The following KCNH7 variants were observed in gnomAD, a reference collection of about 807,000 sequenced individuals.
The protein encoded by KCNH7 is voltage-gated inwardly rectifying potassium channel KCNH7.
In KCNH7, 49 loss-of-function variants were observed where a neutral mutation model predicts 120.8. The observed-to-expected ratio is 0.41, with a 90% confidence interval of 0.32 to 0.51. KCNH7 has a LOEUF of 0.51. Ranked by LOEUF, KCNH7 falls within the 20% of genes least tolerant of loss-of-function variation. The probability of loss-of-function intolerance (pLI) is 0.38; values close to 1 mark genes in which losing one functional copy is unlikely to be tolerated. For synonymous variants in KCNH7, 547 were observed against 516.1 expected, an observed-to-expected ratio of 1.06 and a Z score of -0.81; for missense variants, 1,097 against 1,446.6, an observed-to-expected ratio of 0.76 and a Z score of 3.92.
At position 162,518,132 on chromosome 2, in the gene KCNH7, C is replaced by T; in HGVS notation, c.490G>A (p.Gly164Ser). Residue 164 changes from glycine to serine, a missense_variant, in exon 4 of 16, where the codon GGT becomes AGT. Physicochemically the swap from Gly to Ser is moderately conservative, Grantham distance 56. This residue lies in a region of KCNH7 where 362 missense variants were observed against 372.2 expected (regional missense o/e 0.97). Transcript: ENST00000332142. The stretch of plus-strand genomic sequence containing the variant: ...TTTCTGTAAGTGAGAACTCTCAGAC[C>T]AGGGAATTTGAACCCAAAAAATTTC... Reference protein sequence around the residue: ...NRKFFGFKFPGLRVLTYRKQS... With the variant: ...NRKFFGFKFPSLRVLTYRKQS... The T allele has an allele frequency of 1.2e-6, 2 of 1,609,794 alleles. No individual in the cohort carries two copies. Among genetic ancestry groups the T allele is most frequent in the Non-Finnish European group, 1.7e-6 (2 of 1,177,358 alleles).
intron 5 of KCNH7, among the ~76,000 whole-genome samples, chr2:162,510,618 A>C (rs746688810): frequency 2.6e-5 from 4 of 151,730 alleles, no homozygotes; most frequent in Admixed American, 6.6e-5. Context: ...AAATAATTAG[A>C]ATTAAATTCA....
At chr2:162,541,832 T>TGCAGA (rs1294240341) in intron 2 of KCNH7, among the ~76,000 whole-genome samples, 2 of 152,108 alleles carry the variant, frequency 1.3e-5, no homozygotes, top group African/African-American at 2.4e-5. Flanking sequence ...TCTGCACATG[T>TGCAGA]ACCCCTGAAC....
chr2:162,800,697 T>G (rs539065173), intron 2 of KCNH7, among the ~76,000 whole-genome samples: 1 of 152,062 alleles, frequency 6.6e-6, no homozygotes, highest in Non-Finnish European at 1.5e-5. Context: ...AAATAAAAAC[T>G]TGTATGGCTT....
intron 2 of KCNH7, among the ~76,000 whole-genome samples, chr2:162,827,818 C>T (rs1445625146): frequency 1.3e-5 from 2 of 152,100 alleles, no homozygotes; most frequent in Non-Finnish European, 2.9e-5. Flanking sequence ...CTCAATTTAA[C>T]TTATCTGTAA....
At chr2:162,406,469 C>A (rs1191893203) in intron 9 of KCNH7, among the ~76,000 whole-genome samples, 1 of 151,848 alleles carries the variant, frequency 6.6e-6, no homozygotes, top group East Asian at 1.9e-4. Flanking sequence ...CTAAATAGCA[C>A]ATTAATCATA....
rs926869574 is a variant in KCNH7, at chr2:162,498,074, C to T, written c.1128+6369G>A. ...TTAGTAAAGCTACAGGAAAATTATA[C>T]TTGTGGACTAGTAGTAAATTTTTTC... On this transcript the variant is annotated intron_variant, in intron 6 of 15. Transcript: ENST00000332142. 1.9e-3 allele frequency among the ~76,000 whole-genome samples: 289 copies of T among 152,142 alleles called. 3 individuals carry two copies. The highest frequency in any genetic ancestry group is 1.8e-4 in the Non-Finnish European group (12 of 67,982).
At chr2:162,627,691 G>T (rs1206490782) in intron 2 of KCNH7, among the ~76,000 whole-genome samples, 1 of 152,162 alleles carries the variant, frequency 6.6e-6, no homozygotes, top group Non-Finnish European at 1.5e-5. Flanking sequence ...TGGCTCAGTG[G>T]TTGGCTTGGA....
At chr2:162,820,290 T>C (rs1685073040) in intron 2 of KCNH7, among the ~76,000 whole-genome samples, 1 of 148,288 alleles carries the variant, frequency 6.7e-6, no homozygotes, top group Non-Finnish European at 1.5e-5. Flanking sequence ...TTAGCCAGGA[T>C]GGTCTCCATC....
intron 6 of KCNH7, among the ~76,000 whole-genome samples, chr2:162,482,949 G>A (rs1689978010): frequency 6.6e-6 from 1 of 152,114 alleles, no homozygotes; most frequent in African/African-American, 2.4e-5. Flanking sequence ...TTTACCTGCT[G>A]TAACTGAAAA....
At chr2:162,476,970 G>A (rs1689766621) in intron 6 of KCNH7, among the ~76,000 whole-genome samples, 1 of 152,200 alleles carries the variant, frequency 6.6e-6, no homozygotes, top group South Asian at 2.1e-4. Flanking sequence ...TTGGGCATCA[G>A]ATTTATTTAT....
chr2:162,765,716 G>T (rs1339811349), intron 2 of KCNH7, among the ~76,000 whole-genome samples: 1 of 152,090 alleles, frequency 6.6e-6, no homozygotes, highest in Admixed American at 6.6e-5. Flanking sequence ...ATAAATGAAT[G>T]AATTTTACTT....
At chr2:162,651,250 A>T (rs1380439155) in intron 2 of KCNH7, among the ~76,000 whole-genome samples, 1 of 152,204 alleles carries the variant, frequency 6.6e-6, no homozygotes, top group Admixed American at 6.5e-5. Context: ...AGTACATGTG[A>T]AGGTTTGCTA....
intron 2 of KCNH7, among the ~76,000 whole-genome samples, chr2:162,645,421 C>T (rs1461814285): frequency 6.6e-6 from 1 of 152,166 alleles, no homozygotes; most frequent in East Asian, 1.9e-4. Flanking sequence ...GCTGGGATTA[C>T]AGGCATGAGC....
At chr2:162,711,794 T>C (rs1686936883) in intron 2 of KCNH7, among the ~76,000 whole-genome samples, 1 of 151,988 alleles carries the variant, frequency 6.6e-6, no homozygotes, top group South Asian at 2.1e-4. Context: ...AAGCCTCAGT[T>C]CCTACAGTGA....
At chr2:162,577,319 A>G (rs1693707494) in intron 2 of KCNH7, among the ~76,000 whole-genome samples, 5 of 147,436 alleles carry the variant, frequency 3.4e-5, no homozygotes, top group Admixed American at 1.4e-4. Flanking sequence ...CTATCTATCT[A>G]TCTATCTATC....
intron 2 of KCNH7, among the ~76,000 whole-genome samples, chr2:162,800,609 A>G (rs1017049736): frequency 2.0e-5 from 3 of 151,930 alleles, no homozygotes; most frequent in Non-Finnish European, 4.4e-5. Flanking sequence ...ACCCACTCAT[A>G]TGATGCATGA....
chr2:162,567,373 C>T (rs181125556), intron 2 of KCNH7, among the ~76,000 whole-genome samples: 6 of 151,970 alleles, frequency 3.9e-5, no homozygotes, highest in East Asian at 3.9e-4. Context: ...AACACTCATA[C>T]GAAATTGGGG....
chr2:162,375,407 T>C (rs889836505), intron 14 of KCNH7, among the ~76,000 whole-genome samples: 1 of 152,200 alleles, frequency 6.6e-6, no homozygotes, highest in Non-Finnish European at 1.5e-5. Context: ...TTCTACCTAT[T>C]TGAATAGTGT....
chr2:162,645,431 C>T (rs1471174453), intron 2 of KCNH7, among the ~76,000 whole-genome samples: 3 of 152,138 alleles, frequency 2.0e-5, no homozygotes, highest in Non-Finnish European at 4.4e-5. Context: ...CAGGCATGAG[C>T]CACTACACCT....
Sources: gnomAD v4.1 joint callset for allele counts (sites outside exome capture counted in the v4.1 genomes callset) on GRCh38, gnomAD v4.1.1 for gene constraint, gnomAD v4.1.1 regional missense constraint, MANE v1.5 for transcripts, NCBI Gene and HGNC (gene_info 2026-07-23, HGNC 2026-07-21) for gene names.